Variants in GALNTL6 observed in about 807,000 individuals in gnomAD.
GALNTL6 encodes polypeptide N-acetylgalactosaminyltransferase-like 6.
Under a neutral mutation model 73.7 loss-of-function variants are expected in GALNTL6, and 46 were observed. The ratio of observed to expected loss-of-function variants is 0.62; its 90% CI spans 0.49 to 0.80. The LOEUF is 0.80. Ranked by LOEUF, GALNTL6 falls within the 30% of genes least tolerant of loss-of-function variation. The pLI is 0.00. For synonymous variants in GALNTL6, 259 were observed against 263.7 expected (o/e 0.98, Z 0.17); for missense variants, 604 against 755.0 (o/e 0.80, Z 2.34).
chr4:172,422,808 A>G (rs1731097633), intron 5 of GALNTL6, among the ~76,000 whole-genome samples: 1 of 151,018 alleles, frequency 6.6e-6, no homozygotes, highest in Non-Finnish European at 1.5e-5. Flanking sequence ...ATTCATGGAA[A>G]CTCCATTTTC....
intron 2 of GALNTL6, among the ~76,000 whole-genome samples, chr4:172,109,041 A>G (rs904839843): frequency 6.7e-4 from 96 of 142,292 alleles, no homozygotes; most frequent in African/African-American, 2.4e-3. Context: ...AAAAAAAAAA[A>G]AGATATTTGA....
chr4:172,953,650 T>C (rs747321375), intron 10 of GALNTL6, among the ~76,000 whole-genome samples: 2 of 152,150 alleles, frequency 1.3e-5, no homozygotes, highest in Non-Finnish European at 2.9e-5. Context: ...GCACTGCTTG[T>C]TGTGTTCAGA....
At chr4:172,335,105 G>C (rs922852172) in intron 4 of GALNTL6, among the ~76,000 whole-genome samples, 3 of 151,368 alleles carry the variant, frequency 2.0e-5, no homozygotes, top group Admixed American at 2.0e-4. Flanking sequence ...CCGCCACCAC[G>C]CCCAGCTAAT....
At chr4:172,030,372 G>C (rs987357516) in intron 2 of GALNTL6, among the ~76,000 whole-genome samples, 4 of 152,016 alleles carry the variant, frequency 2.6e-5, no homozygotes, top group African/African-American at 9.7e-5. Flanking sequence ...GAGGTACCTA[G>C]TATCCTTCTT....
In GALNTL6 at chr4:172,819,391, A is replaced by G. The variant is rs180961067; in HGVS notation, c.923+5668A>G. On this transcript the variant is annotated intron_variant, in intron 7 of 12. Coordinates refer to ENST00000506823, the MANE Select transcript of GALNTL6 (RefSeq NM_001034845.3). Reference sequence around the variant, plus strand: ...CTGCTAAATTTAGGCTTAGAATAAAATCAGAAAAAAGTACAAATAATCATA... The same window carrying G: ...CTGCTAAATTTAGGCTTAGAATAAAGTCAGAAAAAAGTACAAATAATCATA... Among the ~76,000 whole-genome samples, 710 of 152,370 alleles carry G rather than the reference A, an allele frequency of 4.7e-3. 4 individuals are homozygous for G. The highest frequency in any genetic ancestry group is 0.016 in the African/African-American group (669 of 41,588).
At chr4:172,804,393 C>A (rs926724606) in intron 5 of GALNTL6, among the ~76,000 whole-genome samples, 2 of 152,150 alleles carry the variant, frequency 1.3e-5, no homozygotes, top group African/African-American at 4.8e-5. Context: ...TCAGCCAACA[C>A]CAATGTATAA....
At chr4:172,392,447 A>G (rs1272373409) in intron 5 of GALNTL6, among the ~76,000 whole-genome samples, 7 of 140,550 alleles carry the variant, frequency 5.0e-5, no homozygotes, top group Admixed American at 7.7e-5. Flanking sequence ...GAAGCATTTA[A>G]AGTATTTCTT....
chr4:172,971,079 A>G (rs894562713), intron 10 of GALNTL6, among the ~76,000 whole-genome samples: 8 of 152,144 alleles, frequency 5.3e-5, no homozygotes, highest in African/African-American at 1.2e-4. Flanking sequence ...ACTTCCTGCA[A>G]CAATCACAGG....
At chr4:172,111,951 C>T (rs1579150419) in intron 2 of GALNTL6, among the ~76,000 whole-genome samples, 1 of 152,020 alleles carries the variant, frequency 6.6e-6, no homozygotes, top group South Asian at 2.1e-4. Context: ...CCTTAGTTCA[C>T]ATTAGGTTTC....
chr4:172,463,978 A>G (rs1732709043), intron 5 of GALNTL6, among the ~76,000 whole-genome samples: 1 of 152,226 alleles, frequency 6.6e-6, no homozygotes, highest in South Asian at 2.1e-4. Context: ...AAGGATATGG[A>G]CAAGGAATTC....
At chr4:172,757,224 T>C (rs1737804228) in intron 5 of GALNTL6, among the ~76,000 whole-genome samples, 2 of 152,138 alleles carry the variant, frequency 1.3e-5, no homozygotes, top group African/African-American at 2.4e-5. Flanking sequence ...GAGAAAAAAA[T>C]AAAGCTACAT....
At chr4:172,802,544 C>G (rs1352768010) in intron 5 of GALNTL6, among the ~76,000 whole-genome samples, 1 of 152,076 alleles carries the variant, frequency 6.6e-6, no homozygotes, top group Non-Finnish European at 1.5e-5. Context: ...ACCTGTAATC[C>G]CAGCACTTTG....
intron 2 of GALNTL6, among the ~76,000 whole-genome samples, chr4:171,875,117 G>T (rs1470218970): frequency 6.6e-6 from 1 of 152,154 alleles, no homozygotes; most frequent in Non-Finnish European, 1.5e-5. Context: ...TCACGGGGAA[G>T]GTAATGTGAG....
chr4:172,938,748 T>A (rs1202966545), intron 9 of GALNTL6, among the ~76,000 whole-genome samples: 4 of 152,200 alleles, frequency 2.6e-5, no homozygotes, highest in Non-Finnish European at 2.9e-5. Context: ...AAACCATCAC[T>A]GAGTTCAGGG....
chr4:172,861,413 CTTGA>C (rs1744389436), intron 7 of GALNTL6, among the ~76,000 whole-genome samples: 11 of 150,916 alleles, frequency 7.3e-5, no homozygotes, highest in Admixed American at 7.3e-4. Flanking sequence ...CTTTCACTTC[CTTGA>C]TTAATCCAGG....
At chr4:172,317,136 A>C (rs892390191) in intron 4 of GALNTL6, among the ~76,000 whole-genome samples, 9 of 152,236 alleles carry the variant, frequency 5.9e-5, no homozygotes, top group Non-Finnish European at 1.2e-4. Flanking sequence ...TGAAGTACTT[A>C]CAAAGTCAGC....
At chr4:172,249,714 A>T (rs1737788461) in intron 3 of GALNTL6, among the ~76,000 whole-genome samples, 1 of 152,198 alleles carries the variant, frequency 6.6e-6, no homozygotes, top group African/African-American at 2.4e-5. Flanking sequence ...ATTGCTTCAG[A>T]GGGTGCAAGC....
intron 2 of GALNTL6, among the ~76,000 whole-genome samples, chr4:171,817,580 C>A (rs1235441569): frequency 1.3e-5 from 2 of 151,568 alleles, no homozygotes; most frequent in Non-Finnish European, 3.0e-5. Context: ...CTTTTTTTCT[C>A]TAATCTACTG....
intron 11 of GALNTL6, among the ~76,000 whole-genome samples, chr4:173,015,884 C>G (rs1752762020): frequency 2.0e-5 from 3 of 152,172 alleles, no homozygotes; most frequent in South Asian, 4.2e-4. Context: ...CATCACAGAC[C>G]CAGAGGTCTA....
Sources: gnomAD v4.1 joint callset for allele counts (sites outside exome capture counted in the v4.1 genomes callset) on GRCh38, gnomAD v4.1.1 for gene constraint, MANE v1.5 for transcripts, NCBI Gene and HGNC (gene_info 2026-07-23, HGNC 2026-07-21) for gene names.